The following CERS6 variants were observed in gnomAD, a reference collection of about 807,000 sequenced individuals.
CERS6 encodes LAG1 homolog, ceramide synthase 6.
In CERS6, 26 loss-of-function variants were observed where a neutral mutation model predicts 56.8. The ratio of observed to expected loss-of-function variants is 0.46; its 90% CI spans 0.34 to 0.63. CERS6 has a LOEUF of 0.63. Among genes scored for constraint, CERS6 ranks in the 30% least tolerant of loss-of-function variants. The pLI is 0.01. For missense variants in CERS6, 415 were observed against 467.5 expected (o/e 0.89, Z 1.04); for synonymous variants, 164 against 173.3 (o/e 0.95, Z 0.42).
At chr2:168,743,605 T>TAGTGTTTTAA (rs1156672424) in intron 8 of CERS6, among the ~76,000 whole-genome samples, 1 of 152,226 alleles carries the variant, frequency 6.6e-6, no homozygotes, top group African/African-American at 2.4e-5. Context: ...ATATTTTATA[T>TAGTGTTTTAA]AACCTTCTCT....
intron 4 of CERS6, among the ~76,000 whole-genome samples, chr2:168,653,530 T>A (rs963567707): frequency 1.3e-5 from 2 of 152,258 alleles, no homozygotes; most frequent in Non-Finnish European, 1.5e-5. Context: ...TGAGGACATT[T>A]TCTGGTGTGC....
intron 1 of CERS6, among the ~76,000 whole-genome samples, chr2:168,471,595 A>G (rs1693979525): frequency 6.6e-6 from 1 of 152,178 alleles, no homozygotes; most frequent in South Asian, 2.1e-4. Flanking sequence ...CCCCTTTTTC[A>G]GAGTTAAAGA....
chr2:168,511,941 C>T (rs1694794053), intron 1 of CERS6, among the ~76,000 whole-genome samples: 1 of 109,274 alleles, frequency 9.2e-6, no homozygotes, highest in African/African-American at 3.0e-5. Context: ...CATATGTGTG[C>T]ATGCACGTGC....
At chr2:168,638,633 G>T (rs544039381) in intron 4 of CERS6, among the ~76,000 whole-genome samples, 16 of 152,182 alleles carry the variant, frequency 1.1e-4, no homozygotes, top group South Asian at 6.2e-4. Context: ...GATGATAAAG[G>T]TATTTCATCA....
At chr2:168,599,065 A>G (rs544283381) in intron 3 of CERS6, among the ~76,000 whole-genome samples, 1 of 152,356 alleles carries the variant, frequency 6.6e-6, no homozygotes, top group South Asian at 2.1e-4. Flanking sequence ...CAATTCTGCG[A>G]TGTAGGCTAG....
intron 3 of CERS6, among the ~76,000 whole-genome samples, chr2:168,603,109 C>T (rs1683973606): frequency 1.3e-5 from 2 of 152,298 alleles, no homozygotes; most frequent in East Asian, 1.9e-4. Flanking sequence ...TACTCAGTTG[C>T]TGCTCCTTGG....
At chr2:168,646,209 G>C (rs1404899644) in intron 4 of CERS6, among the ~76,000 whole-genome samples, 1 of 152,046 alleles carries the variant, frequency 6.6e-6, no homozygotes, top group Non-Finnish European at 1.5e-5. Context: ...TCTGTTACTT[G>C]TTGACTTTTC....
intron 4 of CERS6, among the ~76,000 whole-genome samples, chr2:168,655,020 T>C (rs1685434409): frequency 1.3e-5 from 2 of 152,132 alleles, no homozygotes; most frequent in East Asian, 1.9e-4. Context: ...ATAAGGACAG[T>C]ACTTACAACT....
At chr2:168,545,129 A>G (rs10189246) in intron 1 of CERS6, among the ~76,000 whole-genome samples, 142,279 of 152,034 alleles carry the variant, frequency 0.94, 66,819 homozygotes, top group Non-Finnish European at 0.98. Flanking sequence ...AGAAACACAC[A>G]CATGTATTTG....
At chr2:168,717,375 C>T (rs560541296) in intron 7 of CERS6, among the ~76,000 whole-genome samples, 62 of 152,194 alleles carry the variant, frequency 4.1e-4, no homozygotes, top group African/African-American at 1.2e-3. Flanking sequence ...AGAAAACCTA[C>T]AATTTTAAGG....
intron 1 of CERS6, among the ~76,000 whole-genome samples, chr2:168,476,701 C>G (rs1454826616): frequency 2.0e-5 from 3 of 151,942 alleles, no homozygotes; most frequent in Admixed American, 6.6e-5. Flanking sequence ...AGCCTGGGGT[C>G]CTGATGTCCA....
chr2:168,607,904 A>G (rs912548040), intron 3 of CERS6, among the ~76,000 whole-genome samples: 5 of 152,340 alleles, frequency 3.3e-5, no homozygotes, highest in South Asian at 4.1e-4. Flanking sequence ...GTTTGCTTCT[A>G]TCATGAAATA....
intron 1 of CERS6, among the ~76,000 whole-genome samples, chr2:168,460,601 A>C (rs556825712): frequency 4.6e-5 from 7 of 152,260 alleles, no homozygotes; most frequent in Middle Eastern, 3.4e-3. Context: ...GTTATCATTT[A>C]TGCTCCAAAA....
At position 168,652,111 on chromosome 2, in the gene CERS6, A is replaced by T. The variant is rs115488669; in HGVS notation, c.465+21069A>T. ...CTTAAAAAAAAAAAAGCTTGTCAGT[A>T]TTGTAAATTGCAGTCACATTTGCTG... On this transcript the variant is annotated intron_variant, in intron 4 of 9. Coordinates refer to ENST00000305747, the MANE Select transcript of CERS6 (RefSeq NM_203463.3). Among the ~76,000 whole-genome samples, 1,011 of 151,736 alleles carry T rather than the reference A, an allele frequency of 6.7e-3. 11 individuals carry two copies. Among genetic ancestry groups the T allele is most frequent in the African/African-American group, 0.022 (892 of 41,326 alleles).
Position 168,505,343 on chromosome 2 carries a change from C to T in CERS6, c.171-42253C>T, listed in dbSNP as rs576364140. On this transcript the variant is annotated intron_variant, in intron 1 of 9. Transcript: ENST00000305747. ...GCTGCAGTGAGCTGTGATTGTGTCACTGCACTGCAGCTTGGGCAACAGAGT... is the reference window on the plus strand; with the variant it reads ...GCTGCAGTGAGCTGTGATTGTGTCATTGCACTGCAGCTTGGGCAACAGAGT... 3.9e-5 allele frequency among the ~76,000 whole-genome samples: 5 copies of T among 128,880 alleles called. No homozygotes were observed. In the South Asian group the frequency reaches 1.2e-3, roughly 32 times the overall value. The allele number at this position is 128,880 out of a possible 152,430, so 84.6% of individuals were successfully genotyped here. A position where few individuals can be genotyped will look rare whatever the true frequency, so the allele number is the denominator to read the frequency against.
At chr2:168,473,423 T>C (rs951679385) in intron 1 of CERS6, among the ~76,000 whole-genome samples, 2 of 152,180 alleles carry the variant, frequency 1.3e-5, no homozygotes, top group Non-Finnish European at 2.9e-5. Flanking sequence ...ATTATTCATG[T>C]TTAAGATGAT....
At chr2:168,669,948 G>A (rs183047777) in intron 4 of CERS6, among the ~76,000 whole-genome samples, 3 of 152,292 alleles carry the variant, frequency 2.0e-5, no homozygotes, top group Middle Eastern at 3.4e-3. Flanking sequence ...TATGGGTCTT[G>A]GATGTAAAAA....
intron 8 of CERS6, among the ~76,000 whole-genome samples, chr2:168,742,311 A>T (rs1021885999): frequency 6.6e-6 from 1 of 152,252 alleles, no homozygotes; most frequent in African/African-American, 2.4e-5. Flanking sequence ...AACAGGCCAA[A>T]TACAATTATC....
intron 8 of CERS6, among the ~76,000 whole-genome samples, chr2:168,738,932 C>A (rs1200437238): frequency 6.6e-6 from 1 of 151,968 alleles, no homozygotes; most frequent in African/African-American, 2.4e-5. Context: ...TGTTGCCAGG[C>A]TGGAGTGCAG....
Sources: allele counts gnomAD v4.1 joint callset (sites outside exome capture counted in the v4.1 genomes callset), GRCh38; gene constraint gnomAD v4.1.1; transcripts MANE v1.5; gene names NCBI Gene and HGNC (gene_info 2026-07-23, HGNC 2026-07-21).